Variants in TAFA2 observed in about 807,000 individuals in gnomAD.
The protein encoded by TAFA2 is TAFA chemokine like family member 2, also known as chemokine-like protein TAFA-2.
A neutral mutation model predicts 18.8 loss-of-function variants in TAFA2; 7 were observed. The ratio of observed to expected loss-of-function variants is 0.37; its 90% CI spans 0.21 to 0.70. The LOEUF (loss-of-function observed/expected upper bound fraction) is 0.70. TAFA2 is among the 30% of genes least tolerant of loss of function. The probability of loss-of-function intolerance (pLI) is 0.53; values close to 1 mark genes in which losing one functional copy is unlikely to be tolerated. For synonymous variants in TAFA2, 60 were observed against 54.2 expected (o/e 1.11, Z -0.47); for missense variants, 122 against 158.1 (o/e 0.77, Z 1.23).
intron 2 of TAFA2, among the ~76,000 whole-genome samples, chr12:61,768,856 G>A (rs565393221): frequency 6.6e-6 from 1 of 152,118 alleles, no homozygotes; most frequent in African/African-American, 2.4e-5. Context: ...AATGGGGAGT[G>A]CACATAGAAG....
chr12:61,769,521 G>A (rs935101267), intron 2 of TAFA2, among the ~76,000 whole-genome samples: 7 of 152,024 alleles, frequency 4.6e-5, no homozygotes, highest in Non-Finnish European at 4.4e-5. Flanking sequence ...AGCAAGTGCT[G>A]ATATTCACAG....
chr12:62,091,533 G>A (rs1868712433), intron 1 of TAFA2, among the ~76,000 whole-genome samples: 1 of 151,880 alleles, frequency 6.6e-6, no homozygotes, highest in East Asian at 1.9e-4. Context: ...GGGTGAAGAA[G>A]AGGAAGGTCA....
intron 2 of TAFA2, among the ~76,000 whole-genome samples, chr12:61,836,765 A>G (rs1404649332): frequency 6.8e-6 from 1 of 146,004 alleles, no homozygotes; most frequent in African/African-American, 2.5e-5. Flanking sequence ...ATACACACAC[A>G]CACACAAATA....
intron 1 of TAFA2, among the ~76,000 whole-genome samples, chr12:61,897,955 A>G (rs1304892580): frequency 1.3e-5 from 2 of 152,220 alleles, no homozygotes; most frequent in Non-Finnish European, 2.9e-5. Context: ...CCAAGATACA[A>G]TGGGGGTGCA....
intron 1 of TAFA2, among the ~76,000 whole-genome samples, chr12:62,210,024 C>T (rs1056311478): frequency 2.0e-5 from 3 of 152,024 alleles, no homozygotes; most frequent in Non-Finnish European, 4.4e-5. Context: ...CACAGTGAAA[C>T]CCCGTCTCTA....
chr12:61,926,443 C>T (rs567075217), intron 1 of TAFA2, among the ~76,000 whole-genome samples: 7 of 152,226 alleles, frequency 4.6e-5, no homozygotes, highest in East Asian at 1.9e-4. Flanking sequence ...GTGAAAAATC[C>T]TCAATAAAAT....
chr12:61,831,309 A>C (rs983285672), intron 2 of TAFA2, among the ~76,000 whole-genome samples: 1 of 152,130 alleles, frequency 6.6e-6, no homozygotes, highest in Non-Finnish European at 1.5e-5. Flanking sequence ...AGGAAATTAA[A>C]ATAATAGAAA....
chr12:61,876,296 C>T (rs1874843301), intron 1 of TAFA2, among the ~76,000 whole-genome samples: 1 of 152,108 alleles, frequency 6.6e-6, no homozygotes, highest in South Asian at 2.1e-4. Context: ...TCAGCTCTTT[C>T]TCCTGCATGC....
chr12:62,244,453 G>C (rs1000179656), intron 1 of TAFA2, among the ~76,000 whole-genome samples: 1 of 151,974 alleles, frequency 6.6e-6, no homozygotes, highest in Non-Finnish European at 1.5e-5. Flanking sequence ...GACCAAATAT[G>C]CAACAGTTTA....
At chr12:61,942,314 A>G (rs1565690131) in intron 1 of TAFA2, among the ~76,000 whole-genome samples, 3 of 148,546 alleles carry the variant, frequency 2.0e-5, no homozygotes. Flanking sequence ...CATCACCATC[A>G]TCAAAGACCA....
At chr12:61,814,780 A>G (rs1592407294) in intron 2 of TAFA2, among the ~76,000 whole-genome samples, 1 of 151,524 alleles carries the variant, frequency 6.6e-6, no homozygotes, top group Admixed American at 6.6e-5. Context: ...TCAGAGTCCG[A>G]AAAGGCAATA....
At chr12:62,250,618 T>A (rs2062908501) in intron 1 of TAFA2, among the ~76,000 whole-genome samples, 1 of 152,182 alleles carries the variant, frequency 6.6e-6, no homozygotes, top group Non-Finnish European at 1.5e-5. Flanking sequence ...CTTTGAATAT[T>A]GCCTGTTTAT....
intron 1 of TAFA2, among the ~76,000 whole-genome samples, chr12:61,937,405 T>C (rs972251266): frequency 1.3e-5 from 2 of 152,154 alleles, no homozygotes; most frequent in African/African-American, 4.8e-5. Flanking sequence ...CTTCAAATTA[T>C]ACTACAAGGC....
chr12:62,052,133 T>G (rs1882070611), intron 1 of TAFA2, among the ~76,000 whole-genome samples: 1 of 152,032 alleles, frequency 6.6e-6, no homozygotes, highest in African/African-American at 2.4e-5. Flanking sequence ...CCTCTGACAT[T>G]TACCAATGTC....
intron 1 of TAFA2, among the ~76,000 whole-genome samples, chr12:62,137,870 C>A (rs372712045): frequency 6.6e-6 from 1 of 152,138 alleles, no homozygotes; most frequent in Non-Finnish European, 1.5e-5. Flanking sequence ...AGAATAAAAA[C>A]TGCATGCCTT....
rs574181971 is a variant in TAFA2 at position 61,992,762 on chromosome 12, C to T, written c.-1-125336G>A. ...ACTCTTCCTTTTCTTGTAAAACATCCCTATGCAAGAAGACAAGCTCCATGA... is the reference window on the plus strand; with the variant it reads ...ACTCTTCCTTTTCTTGTAAAACATCTCTATGCAAGAAGACAAGCTCCATGA... On this transcript the variant is annotated intron_variant, in intron 1 of 4. Coordinates refer to ENST00000416284, the MANE Select transcript of TAFA2 (RefSeq NM_178539.5). 2.6e-5 allele frequency among the ~76,000 whole-genome samples: 4 copies of T among 152,254 alleles called. No individual in the cohort carries two copies. In the South Asian group the frequency reaches 8.3e-4, roughly 32 times the overall value.
chr12:61,795,681 A>T (rs1349714297), intron 2 of TAFA2, among the ~76,000 whole-genome samples: 1 of 152,020 alleles, frequency 6.6e-6, no homozygotes, highest in African/African-American at 2.4e-5. Flanking sequence ...CATATGTAAC[A>T]AACCTGCATG....
intron 1 of TAFA2, among the ~76,000 whole-genome samples, chr12:62,233,210 A>G (rs1011565258): frequency 2.7e-5 from 4 of 149,802 alleles, no homozygotes; most frequent in African/African-American, 9.9e-5. Context: ...CCTCCTGAGT[A>G]GGTGGGACTA....
At chr12:61,992,229 C>G (rs1266301323) in intron 1 of TAFA2, among the ~76,000 whole-genome samples, 2 of 152,132 alleles carry the variant, frequency 1.3e-5, no homozygotes, top group East Asian at 3.8e-4. Context: ...AACCTCAAAG[C>G]TAATGTGTCC....
Sources: gnomAD v4.1 joint callset for allele counts (sites outside exome capture counted in the v4.1 genomes callset) on GRCh38, gnomAD v4.1.1 for gene constraint, MANE v1.5 for transcripts, NCBI Gene and HGNC (gene_info 2026-07-23, HGNC 2026-07-21) for gene names.